Variants in RGS22 observed in about 807,000 individuals in gnomAD.
RGS22 encodes regulator of G protein signaling 22.
In RGS22, 148 loss-of-function variants were observed where a neutral mutation model predicts 172.9. That is an observed-to-expected ratio of 0.86 (90% confidence interval 0.75 to 0.98). The LOEUF (loss-of-function observed/expected upper bound fraction) is 0.98, where lower values mean the gene tolerates loss of function less well. Ranked by LOEUF, RGS22 falls within the 50% of genes least tolerant of loss-of-function variation. The probability of loss-of-function intolerance (pLI) is 0.00; values close to 1 mark genes in which losing one functional copy is unlikely to be tolerated. For synonymous variants in RGS22, 458 were observed against 480.2 expected (o/e 0.95, Z 0.60); for missense variants, 1,347 against 1,440.8 (o/e 0.93, Z 1.05).
intron 4 of RGS22, among the ~76,000 whole-genome samples, chr8:100,072,529 G>A (rs1181804643): frequency 6.6e-6 from 1 of 151,910 alleles, no homozygotes; most frequent in Non-Finnish European, 1.5e-5. Flanking sequence ...GGGAGAATGA[G>A]GGAAAAAAAG....
intron 3 of RGS22, among the ~76,000 whole-genome samples, chr8:100,086,889 G>C (rs1307258577): frequency 6.6e-6 from 1 of 152,078 alleles, no homozygotes; most frequent in Non-Finnish European, 1.5e-5. Flanking sequence ...TTTTAGCTGA[G>C]GAGAGGCAGA....
At chr8:100,095,627 G>C (rs1812906130) in intron 2 of RGS22, among the ~76,000 whole-genome samples, 1 of 152,106 alleles carries the variant, frequency 6.6e-6, no homozygotes, top group Admixed American at 6.5e-5. Context: ...CTGTCAAACT[G>C]CCATAAAGGT....
At chr8:99,974,236 G>A (rs1811679048) in intron 23 of RGS22, among the ~76,000 whole-genome samples, 1 of 152,130 alleles carries the variant, frequency 6.6e-6, no homozygotes, top group South Asian at 2.1e-4. Flanking sequence ...ACATTTAAAT[G>A]TATAGTTTCA....
rs564657970 is a variant in RGS22 at position 100,100,100 on chromosome 8, A to AC, written c.54+5273dup. On this transcript the variant is annotated intron_variant, in intron 2 of 27. Transcript: ENST00000360863. ...GTATCCACAGGGGATTGGTTCCAGG[A>AC]CCCCCCACAGACACTGAAATCTGGG... Among the ~76,000 whole-genome samples the AC allele has an allele frequency of 3.7e-3, 562 of 151,960 alleles. 1 individual carries two copies. Among genetic ancestry groups the AC allele is most frequent in the Non-Finnish European group, 6.0e-3 (405 of 67,978 alleles).
At chr8:100,022,583 C>CA (rs761719211) in intron 14 of RGS22, among the ~76,000 whole-genome samples, 108 of 151,924 alleles carry the variant, frequency 7.1e-4, no homozygotes, top group Middle Eastern at 6.8e-3. Context: ...ATCTAAGGAA[C>CA]AAATAAAGGT....
At chr8:100,035,407 G>A (rs1468810870) in intron 14 of RGS22, among the ~76,000 whole-genome samples, 1 of 152,294 alleles carries the variant, frequency 6.6e-6, no homozygotes, top group East Asian at 1.9e-4. Flanking sequence ...ACCACAATGA[G>A]ATACCATCTC....
At chr8:100,034,403 T>C (rs1434388509) in intron 14 of RGS22, among the ~76,000 whole-genome samples, 1 of 152,114 alleles carries the variant, frequency 6.6e-6, no homozygotes, top group East Asian at 1.9e-4. Flanking sequence ...GAATCCAACT[T>C]ACAAGGGATG....
intron 14 of RGS22, among the ~76,000 whole-genome samples, chr8:100,016,987 T>C (rs1440467849): frequency 3.2e-4 from 32 of 100,850 alleles, no homozygotes; most frequent in African/African-American, 1.4e-3. Context: ...TCTTTTTTTT[T>C]TTTTTTTTTT....
In RGS22 at chr8:99,962,424, T is replaced by C. The variant is rs1349901331; in HGVS notation, c.*15A>G. 1.2e-6 allele frequency: 2 copies of C among 1,613,418 alleles called. No homozygotes were observed. Among genetic ancestry groups the C allele is most frequent in the Non-Finnish European group, 1.7e-6 (2 of 1,179,544 alleles). ...ACCTATCAGCAGCAGGATGTAAACA[T>C]TCACAAGAATGCTGTCACTCTGGAA... On this transcript the variant is annotated 3_prime_UTR_variant, in exon 27 of 28. Coordinates refer to ENST00000360863, the MANE Select transcript of RGS22 (RefSeq NM_015668.5).
At chr8:100,038,338 T>G (rs1819720324) in intron 14 of RGS22, among the ~76,000 whole-genome samples, 2 of 152,180 alleles carry the variant, frequency 1.3e-5, no homozygotes, top group African/African-American at 4.8e-5. Flanking sequence ...CCTCTATTTT[T>G]TTTTTTCTTT....
intron 19 of RGS22, among the ~76,000 whole-genome samples, chr8:99,996,757 T>C (rs1563591880): frequency 6.6e-6 from 1 of 152,152 alleles, no homozygotes; most frequent in Admixed American, 6.6e-5. Flanking sequence ...TACCCGATTG[T>C]TATTGCCCCA....
chr8:99,963,752 T>C (rs1810443739), intron 24 of RGS22, among the ~76,000 whole-genome samples: 1 of 152,218 alleles, frequency 6.6e-6, no homozygotes, highest in Non-Finnish European at 1.5e-5. Flanking sequence ...GGATAGGTTA[T>C]ATGCAAATAC....
Position 100,063,920 on chromosome 8 carries a change from T to C in RGS22, c.848A>G (p.Gln283Arg), listed in dbSNP as rs757947121. ...GEEEEVSVSL[Q>R]DTPSQALLRV... Reference sequence around the variant, plus strand: ...CAGAAGAGCTTGAGAAGGAGTGTCTTGTAGAGATACAGACACCTCTTCTTC... The same window carrying C: ...CAGAAGAGCTTGAGAAGGAGTGTCTCGTAGAGATACAGACACCTCTTCTTC... The change falls in exon 8 of 28, where the codon CAA (glutamine) becomes CGA (arginine). Residue 283 changes from glutamine (Q) to arginine (R), a missense_variant. Coordinates refer to ENST00000360863, the MANE Select transcript of RGS22 (RefSeq NM_015668.5). 1.2e-6 allele frequency: 2 copies of C among 1,604,704 alleles called. No homozygotes were observed. Among genetic ancestry groups the C allele is most frequent in the East Asian group, 2.2e-5 (1 of 44,688 alleles).
At chr8:99,991,480 C>T (rs1255871248) in intron 20 of RGS22, among the ~76,000 whole-genome samples, 1 of 152,086 alleles carries the variant, frequency 6.6e-6, no homozygotes, top group East Asian at 1.9e-4. Context: ...GCACAAGCTT[C>T]AATAGCCAAT....
At chr8:100,047,714 A>T (rs1820875353) in intron 10 of RGS22, 118 bp from the exon 11 acceptor site, 2 of 824,136 alleles carry the variant, frequency 2.4e-6, no homozygotes, top group Non-Finnish European at 3.4e-6. Context: ...TGCCTCCTAC[A>T]ATGCTTCCCA....
chr8:100,017,390 GT>G (rs1817110771), intron 14 of RGS22, among the ~76,000 whole-genome samples: 1 of 152,178 alleles, frequency 6.6e-6, no homozygotes, highest in African/African-American at 2.4e-5. Context: ...TTTTGTTGAA[GT>G]TGTCTCTGCT....
chr8:99,972,612 A>C (rs1169338050), intron 23 of RGS22, among the ~76,000 whole-genome samples: 6 of 152,224 alleles, frequency 3.9e-5, no homozygotes, highest in Non-Finnish European at 2.9e-5. Flanking sequence ...GACACTTCTC[A>C]AAAGAAGACA....
intron 23 of RGS22, among the ~76,000 whole-genome samples, chr8:99,965,951 C>T (rs969355231): frequency 5.3e-5 from 8 of 152,154 alleles, no homozygotes; most frequent in African/African-American, 1.9e-4. Flanking sequence ...ACAGTGTCTG[C>T]CACATAGTAT....
At chr8:100,022,083 C>T (rs559485738) in intron 14 of RGS22, among the ~76,000 whole-genome samples, 4 of 152,170 alleles carry the variant, frequency 2.6e-5, no homozygotes, top group African/African-American at 7.2e-5. Context: ...GGAGCTATGC[C>T]GAGAGCGACT....
Sources: gnomAD v4.1 joint callset for allele counts (sites outside exome capture counted in the v4.1 genomes callset) on GRCh38, gnomAD v4.1.1 for gene constraint, MANE v1.5 for transcripts, NCBI Gene and HGNC (gene_info 2026-07-23, HGNC 2026-07-21) for gene names.